Variants in IGSF21 observed in about 807,000 individuals in gnomAD.
The protein encoded by IGSF21 is immunoglobin superfamily member 21.
IGSF21 carries 28 observed loss-of-function variants against 46.8 expected under a neutral mutation model. The ratio of observed to expected loss-of-function variants is 0.60; its 90% CI spans 0.44 to 0.82. The LOEUF (loss-of-function observed/expected upper bound fraction) is 0.82. IGSF21 is among the 40% of genes least tolerant of loss of function. The pLI is 0.00. For missense variants in IGSF21, 624 were observed against 665.5 expected (o/e 0.94, Z 0.69); for synonymous variants, 284 against 273.6 (o/e 1.04, Z -0.38).
chr1:18,239,616 A>C (rs2084705999), intron 2 of IGSF21, among the ~76,000 whole-genome samples: 1 of 152,080 alleles, frequency 6.6e-6, no homozygotes. Flanking sequence ...CATATGGCTG[A>C]TTTGCAGTTC....
intron 2 of IGSF21, among the ~76,000 whole-genome samples, chr1:18,283,874 C>T (rs540240416): frequency 1.3e-5 from 2 of 152,066 alleles, no homozygotes; most frequent in East Asian, 3.9e-4. Context: ...GGTTTTGCAT[C>T]CAAAAGAAAA....
intron 1 of IGSF21, among the ~76,000 whole-genome samples, chr1:18,159,183 G>A (rs1174630321): frequency 2.0e-5 from 3 of 152,186 alleles, no homozygotes; most frequent in Admixed American, 1.3e-4. Context: ...GCACAGCTCC[G>A]GAACCTGAGA....
rs995498355 is a variant in IGSF21 at position 18,378,404 on chromosome 1, G to C, written c.*78G>C. ...TCATTTCTTTTCTAAACTATTTCCA[G>C]TCTTGTTCTTAGTCTCTTTCCATCT... On this transcript the variant is annotated 3_prime_UTR_variant, in exon 10 of 10. Transcript: ENST00000251296. 8.2e-7 allele frequency: 1 copy of C among 1,213,590 alleles called. No homozygotes were observed. The highest frequency in any genetic ancestry group is 1.5e-5 in the African/African-American group (1 of 66,372). The allele number at this position is 1,213,590 out of a possible 1,614,324, so 75.2% of individuals were successfully genotyped here.
rs575300528 is a variant in IGSF21 at position 18,324,044 on chromosome 1, C to T, written c.306-10848C>T. Reference sequence around the variant, plus strand: ...TCCCCGGTCCCACTCCCCCATCCCACTCCCAGGCTGTACAACCTGGGAGAC... The same window carrying T: ...TCCCCGGTCCCACTCCCCCATCCCATTCCCAGGCTGTACAACCTGGGAGAC... On this transcript the variant is annotated intron_variant, in intron 3 of 9. Coordinates refer to ENST00000251296, the MANE Select transcript of IGSF21 (RefSeq NM_032880.5). Among the ~76,000 whole-genome samples the T allele has an allele frequency of 2.6e-5, 4 of 152,246 alleles. No homozygotes were observed. The South Asian group carries it at 8.3e-4, about 32-fold the overall frequency.
chr1:18,123,905 T>C (rs2086254866), intron 1 of IGSF21, among the ~76,000 whole-genome samples: 1 of 152,184 alleles, frequency 6.6e-6, no homozygotes. Flanking sequence ...GTAGGCCCCC[T>C]GGCCCACTGG....
At chr1:18,226,070 C>G (rs870536) in intron 1 of IGSF21, among the ~76,000 whole-genome samples, 14,248 of 152,272 alleles carry the variant, frequency 0.094, 844 homozygotes, top group East Asian at 0.14. Context: ...AGCAGGTGTG[C>G]ACATGTGAGC....
chr1:18,179,807 A>C (rs1056215146), intron 1 of IGSF21, among the ~76,000 whole-genome samples: 4 of 152,186 alleles, frequency 2.6e-5, no homozygotes, highest in Non-Finnish European at 5.9e-5. Context: ...GAAATTAAGT[A>C]AGAATCATCA....
intron 3 of IGSF21, among the ~76,000 whole-genome samples, chr1:18,292,903 C>T (rs550076947): frequency 2.6e-5 from 4 of 152,338 alleles, no homozygotes; most frequent in South Asian, 2.1e-4. Flanking sequence ...CACTCTTCCA[C>T]GCCACACCGC....
At chr1:18,179,708 G>C (rs1040609481) in intron 1 of IGSF21, among the ~76,000 whole-genome samples, 44 of 152,134 alleles carry the variant, frequency 2.9e-4, no homozygotes, top group African/African-American at 1.0e-3. Flanking sequence ...CGGCTTGGGG[G>C]TGAGGGTCTC....
chr1:18,357,279 T>G (rs2086029577), intron 4 of IGSF21, among the ~76,000 whole-genome samples: 4 of 129,686 alleles, frequency 3.1e-5, no homozygotes, highest in Admixed American at 2.4e-4. Flanking sequence ...GGGAAGGAGA[T>G]GGAGATGAAG....
intron 1 of IGSF21, among the ~76,000 whole-genome samples, chr1:18,146,236 T>C (rs2086465763): frequency 2.6e-5 from 4 of 152,118 alleles, no homozygotes; most frequent in Admixed American, 2.6e-4. Flanking sequence ...ACAGATCTCT[T>C]GCTATATTTG....
At chr1:18,163,426 G>A (rs1454281636) in intron 1 of IGSF21, among the ~76,000 whole-genome samples, 2 of 152,162 alleles carry the variant, frequency 1.3e-5, no homozygotes, top group Admixed American at 1.3e-4. Context: ...ATGGGAGGAT[G>A]GATGTATCTG....
intron 1 of IGSF21, among the ~76,000 whole-genome samples, chr1:18,205,449 T>C (rs2084308798): frequency 6.6e-6 from 1 of 152,136 alleles, no homozygotes; most frequent in Admixed American, 6.5e-5. Context: ...AGGACACGTT[T>C]GTCATCCGGT....
intron 2 of IGSF21, among the ~76,000 whole-genome samples, chr1:18,287,295 C>T (rs1378954833): frequency 6.6e-6 from 1 of 151,858 alleles, no homozygotes; most frequent in Non-Finnish European, 1.5e-5. Flanking sequence ...ACTTGGGAGG[C>T]TGAGGCAGGA....
chr1:18,228,842 C>T (rs2084595656), intron 2 of IGSF21, among the ~76,000 whole-genome samples: 1 of 152,202 alleles, frequency 6.6e-6, no homozygotes, highest in East Asian at 1.9e-4. Context: ...GTCTGCCAAA[C>T]ATTCAGTCTT....
At chr1:18,331,262 C>A (rs920764078) in intron 3 of IGSF21, among the ~76,000 whole-genome samples, 3 of 152,050 alleles carry the variant, frequency 2.0e-5, no homozygotes, top group African/African-American at 7.3e-5. Context: ...TCACCCCCTC[C>A]CACCTTTTCC....
intron 2 of IGSF21, among the ~76,000 whole-genome samples, chr1:18,247,089 C>T (rs1487565653): frequency 4.9e-5 from 7 of 142,600 alleles, no homozygotes; most frequent in East Asian, 2.1e-4. Context: ...CTTGCTCTGT[C>T]GCCCAGGCTG....
At chr1:18,317,148 G>T (rs901631876) in intron 3 of IGSF21, among the ~76,000 whole-genome samples, 4 of 152,196 alleles carry the variant, frequency 2.6e-5, no homozygotes, top group Admixed American at 2.6e-4. Context: ...TGTGGATCAA[G>T]TGCTTAGAAC....
At chr1:18,341,883 G>A (rs2085845272) in intron 4 of IGSF21, among the ~76,000 whole-genome samples, 1 of 152,116 alleles carries the variant, frequency 6.6e-6, no homozygotes, top group Non-Finnish European at 1.5e-5. Context: ...GGAACCTGAG[G>A]CCAGAGTGGC....
Sources: allele counts gnomAD v4.1 joint callset (sites outside exome capture counted in the v4.1 genomes callset), GRCh38; gene constraint gnomAD v4.1.1; transcripts MANE v1.5; gene names NCBI Gene and HGNC (gene_info 2026-07-23, HGNC 2026-07-21).